The following MAB21L3 variants were observed in gnomAD, a reference collection of about 807,000 sequenced individuals.
MAB21L3 encodes the protein protein mab-21-like 3.
MAB21L3 carries 36 observed loss-of-function variants against 37.7 expected under a neutral mutation model. The observed-to-expected ratio is 0.96, with a 90% CI of 0.73 to 1.26. The LOEUF (loss-of-function observed/expected upper bound fraction) is 1.26, where lower values mean the gene tolerates loss of function less well. MAB21L3 is among the 50% of genes most tolerant of loss of function. The probability of loss-of-function intolerance (pLI) is 0.00; values close to 1 mark genes in which losing one functional copy is unlikely to be tolerated. For synonymous variants in MAB21L3, 186 were observed against 176.8 expected, an observed-to-expected ratio of 1.05 and a Z score of -0.41; for missense variants, 430 against 447.3, an observed-to-expected ratio of 0.96 and a Z score of 0.35.
At chr1:116,131,512 A>G (rs1311844984) in intron 7 of MAB21L3, among the ~76,000 whole-genome samples, 1 of 152,076 alleles carries the variant, frequency 6.6e-6, no homozygotes, top group East Asian at 1.9e-4. Context: ...ATTTTATTTT[A>G]TTAATTTTTT....
intron 4 of MAB21L3, among the ~76,000 whole-genome samples, chr1:116,122,179 G>A (rs989070023): frequency 5.9e-5 from 9 of 152,216 alleles, no homozygotes; most frequent in African/African-American, 2.2e-4. Flanking sequence ...GTTGGTGGAC[G>A]CAGGAACCAC....
Position 116,136,219 on chromosome 1 carries a change from C to T in MAB21L3, c.*2854C>T, listed in dbSNP as rs1192143955. The stretch of plus-strand genomic sequence containing the variant: ...GTTTGCAGACAACATGATTGTATAT[C>T]TAGAAAACCCCATTGTCTCAGCCCA... On this transcript the variant is annotated 3_prime_UTR_variant, in exon 8 of 8. Coordinates refer to ENST00000369500, the MANE Select transcript of MAB21L3 (RefSeq NM_152367.3). Among the ~76,000 whole-genome samples, 3 of 151,524 alleles carry T rather than the reference C, an allele frequency of 2.0e-5. No individual in the cohort carries two copies. The highest frequency in any genetic ancestry group is 4.4e-5 in the Non-Finnish European group (3 of 67,798).
At chr1:116,112,754 T>G in intron 3 of MAB21L3, 91 bp downstream of exon 3, 1 of 1,325,618 alleles carries the variant, frequency 7.5e-7, no homozygotes, top group Non-Finnish European at 1.1e-6. Context: ...TCAGGCTCTT[T>G]CTAAAGACAC....
chr1:116,120,291 G>A (rs1659704226), intron 3 of MAB21L3, among the ~76,000 whole-genome samples: 1 of 151,982 alleles, frequency 6.6e-6, no homozygotes. Flanking sequence ...CTTTAGAGAA[G>A]TCTTCTTTGT....
In MAB21L3 at chr1:116,124,202, G is replaced by T; in HGVS notation, c.326G>T (p.Gly109Val). 9 of 1,614,258 alleles carry T rather than the reference G, an allele frequency of 5.6e-6. No homozygotes were observed. Among genetic ancestry groups the T allele is most frequent in the Non-Finnish European group, 7.6e-6 (9 of 1,180,038 alleles). ...RLPCPLRDPEGLQQWLEVEQF... is the reference protein window; with the variant it reads ...RLPCPLRDPEVLQQWLEVEQF... ...CCCTGCCCGTTGCGGGACCCTGAGG[G>T]TCTGCAGCAGTGGCTGGAGGTGGAA... The change falls in exon 5 of 8, where the codon GGT becomes GTT. Residue 109 changes from glycine to valine, a missense_variant. By Grantham distance (109) the Gly-to-Val change is moderately radical. Transcript: ENST00000369500.
At chr1:116,130,968 TA>T (rs1660052130) in intron 7 of MAB21L3, among the ~76,000 whole-genome samples, 1 of 152,192 alleles carries the variant, frequency 6.6e-6, no homozygotes, top group Non-Finnish European at 1.5e-5. Context: ...ACAACTGCTC[TA>T]AAAAATAAAG....
chr1:116,117,158 C>CACATATAT (rs1659608545), intron 3 of MAB21L3, among the ~76,000 whole-genome samples: 1 of 86,110 alleles, frequency 1.2e-5, no homozygotes, highest in African/African-American at 5.8e-5. Flanking sequence ...TCAAAATATA[C>CACATATAT]ATACATATAT....
At chr1:116,122,169 G>A (rs1246627780) in intron 4 of MAB21L3, among the ~76,000 whole-genome samples, 1 of 152,218 alleles carries the variant, frequency 6.6e-6, no homozygotes, top group Non-Finnish European at 1.5e-5. Flanking sequence ...ACATCTCAAG[G>A]TTGGTGGACG....
chr1:116,119,702 A>G (rs2101610941), intron 3 of MAB21L3, among the ~76,000 whole-genome samples: 1 of 152,252 alleles, frequency 6.6e-6, no homozygotes, highest in African/African-American at 2.4e-5. Context: ...GAGCAAGATG[A>G]CAAAGTGCCC....
In MAB21L3 at chr1:116,135,587, C is replaced by G. The variant is rs1660184531; in HGVS notation, c.*2222C>G. On this transcript the variant is annotated 3_prime_UTR_variant, in exon 8 of 8. Transcript: ENST00000369500. ...AGTACCATTCCTTCTGAAACTATTC[C>G]AATCAATTGAAAAAGAGGGAATCCT... Among the ~76,000 whole-genome samples, 1 of 152,188 alleles carries G rather than the reference C, an allele frequency of 6.6e-6. No individual in the cohort carries two copies. The highest frequency in any genetic ancestry group is 2.1e-4 in the South Asian group (1 of 4,828).
At chr1:116,132,745 C>T (rs868468511) in intron 7 of MAB21L3, among the ~76,000 whole-genome samples, 29 of 151,974 alleles carry the variant, frequency 1.9e-4, no homozygotes, top group African/African-American at 6.0e-4. Flanking sequence ...GATCCAGGGC[C>T]CTGTGGAGGG....
At chr1:116,131,716 G>A (rs183197599) in intron 7 of MAB21L3, among the ~76,000 whole-genome samples, 47 of 152,202 alleles carry the variant, frequency 3.1e-4, no homozygotes, top group African/African-American at 1.1e-3. Context: ...GGGTTTCACC[G>A]TGTTAGCCAG....
chr1:116,131,133 T>C (rs74814760), intron 7 of MAB21L3, among the ~76,000 whole-genome samples: 3,252 of 152,344 alleles, frequency 0.021, 104 homozygotes, highest in African/African-American at 0.074. Context: ...CATCATTCAC[T>C]GCTCTCATAA....
chr1:116,124,371 G>T lies in MAB21L3; in HGVS notation c.481+14G>T. The T allele has an allele frequency of 1.2e-6, 2 of 1,605,096 alleles. No homozygotes were observed. Among genetic ancestry groups the T allele is most frequent in the South Asian group, 2.2e-5 (2 of 89,756 alleles). On this transcript the variant is annotated intron_variant, in intron 5 of 7. Transcript: ENST00000369500. ...GTCACCTCTCAGGTGAGCTGATCAG[G>T]AACAAGTGCAAGGGTAATTGCTGGC...
rs1437315333 is a variant in MAB21L3 at position 116,137,778 on chromosome 1, G to T, written c.*4413G>T. Among the ~76,000 whole-genome samples, 1 of 151,922 alleles carries T rather than the reference G, an allele frequency of 6.6e-6. No homozygotes were observed. Among genetic ancestry groups the T allele is most frequent in the Non-Finnish European group, 1.5e-5 (1 of 67,990 alleles). On this transcript the variant is annotated 3_prime_UTR_variant, in exon 8 of 8. Coordinates refer to ENST00000369500, the MANE Select transcript of MAB21L3 (RefSeq NM_152367.3). ...GAAAATGTGGCACATATACACCATG[G>T]AATACTATGCAGCCATAAAAAATGA...
intron 6 of MAB21L3, 69 bp downstream of exon 6, chr1:116,127,713 G>C: frequency 6.9e-7 from 1 of 1,456,128 alleles, no homozygotes; most frequent in Non-Finnish European, 9.2e-7. Flanking sequence ...CAGCATTACT[G>C]ACTGCCAATG....
In MAB21L3 at chr1:116,112,785, C is replaced by T. The variant is rs1015294101; in HGVS notation, c.48+122C>T. The T allele has an allele frequency of 8.6e-6, 8 of 933,440 alleles. No homozygotes were observed. The African/African-American group carries it at 9.9e-5, about 12-fold the overall frequency. The allele number at this position is 933,440 out of a possible 1,614,324, so 57.8% of individuals were successfully genotyped here. A position where few individuals can be genotyped will look rare whatever the true frequency, so the allele number is the denominator to read the frequency against. On this transcript the variant is annotated intron_variant, in intron 3 of 7. Transcript: ENST00000369500. ...GACACATAAAATGCTCCTCAGAAAA[C>T]AGACTGTCACCTATAACAATGTTTG...
rs963484365 is a variant in MAB21L3 at position 116,112,821 on chromosome 1, A to G, written c.48+158A>G. On this transcript the variant is annotated intron_variant, in intron 3 of 7. Coordinates refer to ENST00000369500, the MANE Select transcript of MAB21L3 (RefSeq NM_152367.3). ...CTATAACAATGTTTGGGGGCTTAAC[A>G]TATATCAGCCTTACTTCTCTTTGAG... Among the ~76,000 whole-genome samples the G allele has an allele frequency of 2.6e-5, 4 of 152,288 alleles. No homozygotes were observed. The East Asian group carries it at 7.7e-4, about 29-fold the overall frequency.
intron 5 of MAB21L3, among the ~76,000 whole-genome samples, chr1:116,125,756 G>C (rs895269799): frequency 1.3e-5 from 2 of 152,202 alleles, no homozygotes; most frequent in African/African-American, 4.8e-5. Flanking sequence ...ACACAATACA[G>C]TAAGAATTCT....
Sources: gnomAD v4.1 joint callset for allele counts (sites outside exome capture counted in the v4.1 genomes callset) on GRCh38, gnomAD v4.1.1 for gene constraint, MANE v1.5 for transcripts, NCBI Gene and HGNC (gene_info 2026-07-23, HGNC 2026-07-21) for gene names.